The following ADAMTS5 variants were observed in gnomAD, a reference collection of about 807,000 sequenced individuals.
ADAMTS5 encodes the protein ADAM metallopeptidase with thrombospondin type 1 motif 5, also known as A disintegrin and metalloproteinase with thrombospondin motifs 5.
A neutral mutation model predicts 81.4 loss-of-function variants in ADAMTS5; 54 were observed. The ratio of observed to expected loss-of-function variants is 0.66; its 90% CI spans 0.53 to 0.83. The LOEUF (loss-of-function observed/expected upper bound fraction) is 0.83, where lower values mean the gene tolerates loss of function less well. ADAMTS5 is among the 40% of genes least tolerant of loss of function. The probability of loss-of-function intolerance (pLI) is 0.00; values close to 1 mark genes in which losing one functional copy is unlikely to be tolerated. For synonymous variants in ADAMTS5, 532 were observed against 508.8 expected (o/e 1.05, Z -0.61); for missense variants, 1,194 against 1,229.9 (o/e 0.97, Z 0.44).
intron 2 of ADAMTS5, among the ~76,000 whole-genome samples, chr21:26,953,124 C>T (rs1419881621): frequency 6.6e-6 from 1 of 152,202 alleles, no homozygotes; most frequent in African/African-American, 2.4e-5. Flanking sequence ...TTCAGGCTGA[C>T]CAGTTCTTCT....
At chr21:26,959,716 A>G (rs928707346) in intron 1 of ADAMTS5, among the ~76,000 whole-genome samples, 2 of 152,196 alleles carry the variant, frequency 1.3e-5, no homozygotes, top group Non-Finnish European at 1.5e-5. Flanking sequence ...GAAGCACTGG[A>G]TAAGAAAACT....
intron 1 of ADAMTS5, among the ~76,000 whole-genome samples, chr21:26,959,900 T>C (rs1987496950): frequency 6.6e-6 from 1 of 152,158 alleles, no homozygotes; most frequent in Non-Finnish European, 1.5e-5. Context: ...ATCTATATGC[T>C]CAAGTCAGTC....
chr21:26,962,541 G>A (rs1987548864), intron 1 of ADAMTS5, among the ~76,000 whole-genome samples: 1 of 152,210 alleles, frequency 6.6e-6, no homozygotes, highest in Non-Finnish European at 1.5e-5. Context: ...TTTCAAGGTG[G>A]CCTCAGCTAG....
intron 3 of ADAMTS5, among the ~76,000 whole-genome samples, chr21:26,937,088 T>C (rs1478975161): frequency 6.6e-6 from 1 of 152,240 alleles, no homozygotes; most frequent in Non-Finnish European, 1.5e-5. Context: ...GCACATGGCA[T>C]GGATCTATCT....
Position 26,924,076 on chromosome 21 carries a change from G to C in ADAMTS5, c.2770C>G (p.Gln924Glu). Residue 924 changes from glutamine (Q) to glutamate (E), a missense_variant, in exon 8 of 8, where the codon CAA becomes GAA. Physicochemically the swap from Gln to Glu is conservative, Grantham distance 29. Coordinates refer to ENST00000284987, the MANE Select transcript of ADAMTS5 (RefSeq NM_007038.5). ...PLSQRPSAFK[Q>E]CLLKKC The stretch of plus-strand genomic sequence containing the variant: ...GGCTAACATTTCTTCAACAAGCATT[G>C]CTTAAACGCAGAAGGCCTTTGGGAG... The C allele has an allele frequency of 6.2e-7, 1 of 1,600,908 alleles. No individual in the cohort carries two copies. The highest frequency in any genetic ancestry group is 2.3e-5 in the East Asian group (1 of 44,436).
intron 7 of ADAMTS5, among the ~76,000 whole-genome samples, chr21:26,926,260 A>C (rs1037775439): frequency 2.6e-5 from 4 of 152,370 alleles, no homozygotes; most frequent in East Asian, 1.9e-4. Flanking sequence ...GATCCTGTCT[A>C]AACAGAAGGT....
In ADAMTS5 at chr21:26,928,389, A is replaced by G. The variant is rs1054119241; in HGVS notation, c.2225+1497T>C. ...TTTTCAGGTGGTTACATTGCATACC[A>G]CTTGTTGCTATAATGAATTTCTTCT... is the stretch of plus-strand genomic sequence containing the variant. On this transcript the variant is annotated intron_variant, in intron 7 of 7. Transcript: ENST00000284987. 1.3e-5 allele frequency among the ~76,000 whole-genome samples: 2 copies of G among 152,166 alleles called. 1 individual carries two copies. Among genetic ancestry groups the G allele is most frequent in the Non-Finnish European group, 2.9e-5 (2 of 68,032 alleles).
At chr21:26,939,329 AT>A (rs1194086616) in intron 3 of ADAMTS5, among the ~76,000 whole-genome samples, 1 of 152,252 alleles carries the variant, frequency 6.6e-6, no homozygotes, top group Non-Finnish European at 1.5e-5. Context: ...GTTTTTAAAA[AT>A]ATAAGTCACC....
At chr21:26,939,790 CA>C (rs1469358377) in intron 3 of ADAMTS5, 1 of 152,222 alleles carries the variant, frequency 6.6e-6, no homozygotes, top group Non-Finnish European at 1.5e-5. Context: ...TTTCACTGCA[CA>C]ATTTCTTTGC....
chr21:26,954,758 G>T lies in ADAMTS5; in HGVS notation c.1218C>A (p.Phe406Leu), dbSNP rs1436576690. 1 of 1,613,914 alleles carries T rather than the reference G, an allele frequency of 6.2e-7. No individual in the cohort carries two copies. The highest frequency in any genetic ancestry group is 1.3e-5 in the African/African-American group (1 of 74,912). The change falls in exon 2 of 8, where the codon TTC becomes TTA. Residue 406 changes from phenylalanine (F) to leucine (L), a missense_variant. Phe to Leu is a conservative substitution (Grantham distance 22). This residue lies in a region of ADAMTS5 where 696 missense variants were observed against 817.6 expected (regional missense o/e 0.85). Coordinates refer to ENST00000284987, the MANE Select transcript of ADAMTS5 (RefSeq NM_007038.5). ...GCATACCGATTTCGTGAGCCACAGT[G>T]AAGGCTGCGTGGAGGCCATCGTCTT... is the stretch of plus-strand genomic sequence containing the variant. ...VIEDDGLHAA[F>L]TVAHEIGHLL...
chr21:26,967,064 G>A lies in ADAMTS5; in HGVS notation c.-673C>T, dbSNP rs553268922. Among the ~76,000 whole-genome samples the A allele has an allele frequency of 1.3e-5, 2 of 152,382 alleles. No individual in the cohort carries two copies. The highest frequency in any genetic ancestry group is 1.3e-4 in the Admixed American group (2 of 15,312). On this transcript the variant is annotated 5_prime_UTR_variant, in exon 1 of 8. Transcript: ENST00000284987. ...CGTCATCCCCAGTCGGCAGCTGCGA[G>A]CGCCGAGAGCAGCGCGAGCGCTGTG...
intron 2 of ADAMTS5, among the ~76,000 whole-genome samples, chr21:26,949,136 G>GAT (rs35477486): frequency 0.27 from 39,742 of 144,838 alleles, 5,305 homozygotes; most frequent in East Asian, 0.33. Context: ...AGTAATCAGT[G>GAT]ATATATATAT....
Position 26,920,809 on chromosome 21 carries a change from A to G in ADAMTS5, c.*3244T>C, listed in dbSNP as rs552263838. On this transcript the variant is annotated 3_prime_UTR_variant, in exon 8 of 8. Coordinates refer to ENST00000284987, the MANE Select transcript of ADAMTS5 (RefSeq NM_007038.5). Reference sequence around the variant, plus strand: ...AATGTGATGTAAAAAACCTATTATCATAGGCACAAGTAATGAACACTATTG... The same window carrying G: ...AATGTGATGTAAAAAACCTATTATCGTAGGCACAAGTAATGAACACTATTG... 2 of 152,260 alleles carry G rather than the reference A, an allele frequency of 1.3e-5. No individual in the cohort carries two copies. The highest frequency in any genetic ancestry group is 2.9e-5 in the Non-Finnish European group (2 of 67,990). 9.4% of individuals were successfully genotyped at this position (152,260 alleles called of 1,614,324 possible).
chr21:26,934,864 T>A, intron 3 of ADAMTS5, 115 bp from the exon 4 acceptor site: 1 of 1,362,640 alleles, frequency 7.3e-7, no homozygotes, highest in South Asian at 1.4e-5. Flanking sequence ...CACCCATGAA[T>A]CTGTAGTGTA....
intron 7 of ADAMTS5, among the ~76,000 whole-genome samples, chr21:26,929,100 G>A (rs970210840): frequency 6.6e-6 from 1 of 152,076 alleles, no homozygotes; most frequent in Non-Finnish European, 1.5e-5. Context: ...ACATTAACAT[G>A]TTTAATTATT....
At position 26,943,445 on chromosome 21, in the gene ADAMTS5, T is replaced by A. The variant is rs765880915; in HGVS notation, c.1340A>T (p.Asp447Val). The A allele has an allele frequency of 8.7e-6, 14 of 1,613,708 alleles. No individual in the cohort carries two copies. In the Middle Eastern group the frequency reaches 1.5e-3, roughly 171 times the overall value. Residue 447 changes from aspartate (D) to valine (V), a missense_variant, in exon 3 of 8, where the codon GAT becomes GTT. Around this residue, in one of 2 missense-constraint regions of ADAMTS5, gnomAD observed 696 missense variants for 817.6 expected, o/e 0.85. Transcript: ENST00000284987. ...RLMSSILTSIDASKPWSKCTS... is the reference protein window; with the variant it reads ...RLMSSILTSIVASKPWSKCTS... ...GCATTTGGACCAGGGCTTAGATGCATCAATGCTGGTAAGGATGGAAGACAT... is the reference window on the plus strand; with the variant it reads ...GCATTTGGACCAGGGCTTAGATGCAACAATGCTGGTAAGGATGGAAGACAT...
At position 26,943,519 on chromosome 21, in the gene ADAMTS5, A is replaced by G. The variant is rs369119651; in HGVS notation, c.1266T>C (p.Asp422=). The part of the protein sequence containing the change: ...IGHLLGLSHD[D]SKFCEETFGS... ...CAAAGGTCTCTTCACAGAATTTGGA[A>G]TCGTCATGGGAGAGGCCAAGTAAAT... Residue 422 remains aspartate (D), a synonymous_variant, in exon 3 of 8, where the codon GAT becomes GAC. Transcript: ENST00000284987. 1 of 1,613,532 alleles carries G rather than the reference A, an allele frequency of 6.2e-7. No individual in the cohort carries two copies. Among genetic ancestry groups the G allele is most frequent in the African/African-American group, 1.3e-5 (1 of 74,906 alleles).
chr21:26,924,519 G>T lies in ADAMTS5; in HGVS notation c.2327C>A (p.Ala776Asp), dbSNP rs1470374198. The change falls in exon 8 of 8, where the codon GCC becomes GAC. Residue 776 changes from alanine to aspartate, a missense_variant. Physicochemically the swap from Ala to Asp is moderately radical, Grantham distance 126. Around this residue, in one of 2 missense-constraint regions of ADAMTS5, gnomAD observed 696 missense variants for 817.6 expected, o/e 0.85. Coordinates refer to ENST00000284987, the MANE Select transcript of ADAMTS5 (RefSeq NM_007038.5). ...GTACTCACCGTTTTTCTTTTTCAGG[G>T]CTAAATAGGCAGTGAATCTAGTCTG... ...KDQTRFTAYL[A>D]LKKKNGEYLI... The T allele has an allele frequency of 6.2e-7, 1 of 1,614,062 alleles. No homozygotes were observed. The highest frequency in any genetic ancestry group is 1.7e-5 in the Admixed American group (1 of 60,004).
At position 26,924,193 on chromosome 21, in the gene ADAMTS5, G is replaced by GC; in HGVS notation, c.2652dup (p.Leu885AlafsTer5). On this transcript the variant is annotated frameshift_variant, in exon 8 of 8. Coordinates refer to ENST00000284987, the MANE Select transcript of ADAMTS5 (RefSeq NM_007038.5). LOFTEE classifies it high-confidence loss of function. ...GTGTCACAGGTCCTAGAGCAGGCGA[G>GC]CCATGGGCCCGTGACCCACTGCGGC... is the stretch of plus-strand genomic sequence containing the variant. 1 of 1,614,212 alleles carries GC rather than the reference G, an allele frequency of 6.2e-7. No homozygotes were observed. Among genetic ancestry groups the GC allele is most frequent in the Non-Finnish European group, 8.5e-7 (1 of 1,180,036 alleles).
Sources: allele counts gnomAD v4.1 joint callset (sites outside exome capture counted in the v4.1 genomes callset), GRCh38; gene constraint gnomAD v4.1.1; regional missense constraint gnomAD v4.1.1; transcripts MANE v1.5; gene names NCBI Gene and HGNC (gene_info 2026-07-23, HGNC 2026-07-21).